RBPJL: variants seen among roughly 807,000 people sequenced by gnomAD.
The protein encoded by RBPJL is recombining binding protein suppressor of hairless-like protein.
RBPJL carries 50 observed loss-of-function variants against 57.6 expected under a neutral mutation model. The ratio of observed to expected loss-of-function variants is 0.87; its 90% CI spans 0.69 to 1.10. The LOEUF (loss-of-function observed/expected upper bound fraction) is 1.10, where lower values mean the gene tolerates loss of function less well. Among genes scored for constraint, RBPJL ranks in the 50% least tolerant of loss-of-function variants. The pLI is 0.00. For missense variants in RBPJL, 684 were observed against 693.7 expected (o/e 0.99, Z 0.16); for synonymous variants, 303 against 294.4 (o/e 1.03, Z -0.30).
chr20:45,309,434 T>C, intron 2 of RBPJL, 133 bp from the exon 3 acceptor site: 2 of 906,720 alleles, frequency 2.2e-6, no homozygotes, highest in Non-Finnish European at 3.2e-6. Flanking sequence ...GGGCAGGATA[T>C]AGAGCAGCCC....
rs1053379715 is a variant in RBPJL, at chr20:45,312,207, T to C, written c.445-14T>C. The C allele has an allele frequency of 2.5e-6, 4 of 1,613,998 alleles. No individual in the cohort carries two copies. Among genetic ancestry groups the C allele is most frequent in the Non-Finnish European group, 3.4e-6 (4 of 1,179,994 alleles). The stretch of plus-strand genomic sequence containing the variant: ...GGCTGGGATGAGATGGCCCTGTACC[T>C]GTGAGCCCCCTAGGAATTCGGCTGC... On this transcript the variant is annotated splice_polypyrimidine_tract_variant and intron_variant, in intron 5 of 11. Coordinates refer to ENST00000343694, the MANE Select transcript of RBPJL (RefSeq NM_014276.4).
chr20:45,311,933 C>T lies in RBPJL; in HGVS notation c.423C>T (p.Phe141=). ...CCACTGAGACGCAGAAGCTGAATTT[C>T]GAGCAGCAGCCGGACTCCAGGGTGA... ...GSATETQKLN[F]EQQPDSREFG... Residue 141 remains phenylalanine (F), a synonymous_variant, in exon 5 of 12, where the codon TTC becomes TTT. Transcript: ENST00000343694. 6.4e-7 allele frequency: 1 copy of T among 1,551,272 alleles called. No individual in the cohort carries two copies. The highest frequency in any genetic ancestry group is 8.7e-7 in the Non-Finnish European group (1 of 1,146,934).
Position 45,312,532 on chromosome 20 carries a change from G to A in RBPJL, c.619+137G>A, listed in dbSNP as rs554101930. ...GAAAAGGTGGAGTCGGAGCCGAGAG[G>A]GGAAGGAGTCTGGATGAGTGGGTGC... On this transcript the variant is annotated intron_variant, in intron 6 of 11. Transcript: ENST00000343694. 628 of 847,948 alleles carry A rather than the reference G, an allele frequency of 7.4e-4. 7 individuals carry two copies. In the South Asian group the frequency reaches 7.6e-3, roughly 10 times the overall value. 52.5% of individuals were successfully genotyped at this position (847,948 alleles called of 1,614,324 possible).
At position 45,317,275 on chromosome 20, in the gene RBPJL, C is replaced by G; in HGVS notation, c.*316C>G. 1 of 426,134 alleles carries G rather than the reference C, an allele frequency of 2.3e-6. No homozygotes were observed. Among genetic ancestry groups the G allele is most frequent in the Non-Finnish European group, 4.2e-6 (1 of 239,558 alleles). The allele number at this position is 426,134 out of a possible 1,614,324, so 26.4% of individuals were successfully genotyped here. ...TCCCCCTCAGTACTTAGTCTACAGA[C>G]CTATGTGCGTGTCCCTATCCTTCTG... On this transcript the variant is annotated 3_prime_UTR_variant, in exon 12 of 12. Coordinates refer to ENST00000343694, the MANE Select transcript of RBPJL (RefSeq NM_014276.4).
rs748556818 is a variant in RBPJL at position 45,308,227 on chromosome 20, G to A, written c.107G>A (p.Arg36Gln). The A allele has an allele frequency of 3.7e-5, 60 of 1,613,626 alleles. No individual in the cohort carries two copies. Among genetic ancestry groups the A allele is most frequent in the Middle Eastern group, 1.6e-4 (1 of 6,076 alleles). The change falls in exon 2 of 12, where the codon CGG (arginine) becomes CAG (glutamine). Residue 36 changes from arginine (R) to glutamine (Q), a missense_variant. By Grantham distance (43) the Arg-to-Gln change is conservative (BLOSUM62 1). Coordinates refer to ENST00000343694, the MANE Select transcript of RBPJL (RefSeq NM_014276.4). ...EMQLQSEADR[R>Q]SLPGTWTRSS... ...CAGCTGCAGAGCGAAGCCGACAGGC[G>A]GAGCCTCCCGGGCACTTGGACCAGG...
At position 45,314,047 on chromosome 20, in the gene RBPJL, C is replaced by T. The variant is rs1987330182; in HGVS notation, c.770C>T (p.Ser257Phe). ...TTTTGTCCCCCAGCTGATGGGCACT[C>T]TGCCCAAGGAGACTTCCCACCGCGA... Reference protein sequence around the residue: ...AFTLHLADGHSAQGDFPPREG... With the variant: ...AFTLHLADGHFAQGDFPPREG... The change falls in exon 8 of 12, where the codon TCT (serine) becomes TTT (phenylalanine). Residue 257 changes from serine (S) to phenylalanine (F), a missense_variant. Transcript: ENST00000343694. The T allele has an allele frequency of 1.9e-6, 3 of 1,613,494 alleles. No individual in the cohort carries two copies. Among genetic ancestry groups the T allele is most frequent in the Non-Finnish European group, 2.5e-6 (3 of 1,179,482 alleles).
rs144892567 is a variant in RBPJL, at chr20:45,312,338, C to A, written c.562C>A (p.Leu188Ile). The change falls in exon 6 of 12, where the codon CTT becomes ATT. Residue 188 changes from leucine (L) to isoleucine (I), a missense_variant. Coordinates refer to ENST00000343694, the MANE Select transcript of RBPJL (RefSeq NM_014276.4). The stretch of plus-strand genomic sequence containing the variant: ...GGAGCTGGGTACCTTCCACAGCCGC[C>A]TTATCAAGGTCATCTCGAAGCCCTC... ...GRELGTFHSR[L>I]IKVISKPSQK... 3 of 1,614,208 alleles carry A rather than the reference C, an allele frequency of 1.9e-6. No individual in the cohort carries two copies. Among genetic ancestry groups the A allele is most frequent in the Admixed American group, 1.7e-5 (1 of 60,030 alleles).
chr20:45,315,993 T>G, intron 9 of RBPJL, 194 bp from the exon 10 acceptor site: 1 of 412,496 alleles, frequency 2.4e-6, no homozygotes, highest in Non-Finnish European at 4.3e-6. Flanking sequence ...AGAAATCAGC[T>G]AGCTCAACAA....
At chr20:45,311,200 A>T (rs1417867296) in intron 3 of RBPJL, among the ~76,000 whole-genome samples, 1 of 131,134 alleles carries the variant, frequency 7.6e-6, no homozygotes, top group Non-Finnish European at 1.6e-5. Context: ...AGAGGAAGGA[A>T]GGAAGGAAGG....
Position 45,316,791 on chromosome 20 carries a change from C to T in RBPJL, c.1386C>T (p.Ala462=), listed in dbSNP as rs1987497847. Residue 462 remains alanine, a synonymous_variant, in exon 12 of 12, where the codon GCC becomes GCT. Coordinates refer to ENST00000343694, the MANE Select transcript of RBPJL (RefSeq NM_014276.4). ...CAATCCCCATGAGCCTGGTGCGCGC[C>T]GACGGGCTCTTCTACCCTAGTGCCT... ...PITIPMSLVR[A]DGLFYPSAFS... 1.9e-6 allele frequency: 3 copies of T among 1,613,782 alleles called. No individual in the cohort carries two copies. Among genetic ancestry groups the T allele is most frequent in the African/African-American group, 2.7e-5 (2 of 74,902 alleles).
At chr20:45,308,685 C>T (rs1222263716) in intron 2 of RBPJL, among the ~76,000 whole-genome samples, 1 of 150,158 alleles carries the variant, frequency 6.7e-6, no homozygotes, top group East Asian at 2.0e-4. Flanking sequence ...GACTCTGGTC[C>T]TGCCAAGAGG....
intron 1 of RBPJL, among the ~76,000 whole-genome samples, chr20:45,307,412 C>T (rs1172531661): frequency 5.3e-5 from 8 of 152,160 alleles, no homozygotes; most frequent in African/African-American, 1.7e-4. Flanking sequence ...TGGCAGGGCC[C>T]GTCGTGGGAG....
rs1014496023 is a variant in RBPJL at position 45,317,739 on chromosome 20, C to T, written c.*780C>T. ...GAGGTCTTGCCGCCTTAACTGTCCC[C>T]CCCAGTCACTTCTCCCACAGGCCCA... On this transcript the variant is annotated 3_prime_UTR_variant, in exon 12 of 12. Coordinates refer to ENST00000343694, the MANE Select transcript of RBPJL (RefSeq NM_014276.4). The T allele has an allele frequency of 1.3e-5, 2 of 152,388 alleles. No individual in the cohort carries two copies. The highest frequency in any genetic ancestry group is 2.9e-5 in the Non-Finnish European group (2 of 68,180). 9.4% of individuals were successfully genotyped at this position (152,388 alleles called of 1,614,324 possible).
At chr20:45,313,361 A>C in intron 6 of RBPJL, 107 bp from the exon 7 acceptor site, 1 of 827,508 alleles carries the variant, frequency 1.2e-6, no homozygotes, top group Non-Finnish European at 1.8e-6. Flanking sequence ...CCTCACCCTC[A>C]CCCTAACCCT....
chr20:45,314,075 G>C lies in RBPJL; in HGVS notation c.798G>C (p.Glu266Asp), dbSNP rs1358703293. The C allele has an allele frequency of 6.2e-7, 1 of 1,614,246 alleles. No individual in the cohort carries two copies. Among genetic ancestry groups the C allele is most frequent in the Non-Finnish European group, 8.5e-7 (1 of 1,180,044 alleles). Residue 266 changes from glutamate to aspartate, a missense_variant, in exon 8 of 12, where the codon GAG (glutamate) becomes GAC (aspartate). Transcript: ENST00000343694. ...CCCAAGGAGACTTCCCACCGCGAGA[G>C]GGCTACGTTCGCTATGGCTCCCTGG... is the stretch of plus-strand genomic sequence containing the variant. ...HSAQGDFPPR[E>D]GYVRYGSLVQ... is the part of the protein sequence containing the mutation.
intron 6 of RBPJL, among the ~76,000 whole-genome samples, chr20:45,313,131 G>A (rs778245493): frequency 2.0e-5 from 3 of 152,284 alleles, no homozygotes; most frequent in Middle Eastern, 3.4e-3. Context: ...TGTGAACTGG[G>A]AATGCCCAGT....
chr20:45,309,136 C>T (rs536175165), intron 2 of RBPJL, among the ~76,000 whole-genome samples: 19 of 151,992 alleles, frequency 1.3e-4, no homozygotes, highest in African/African-American at 4.1e-4. Context: ...CCTCACCCCC[C>T]ACCCTGCCTT....
chr20:45,312,979 G>A (rs570647789), intron 6 of RBPJL, among the ~76,000 whole-genome samples: 2 of 150,608 alleles, frequency 1.3e-5, no homozygotes, highest in South Asian at 4.2e-4. Flanking sequence ...CGGCAGTCCA[G>A]CCTGGGTGAC....
intron 9 of RBPJL, among the ~76,000 whole-genome samples, chr20:45,315,473 G>T (rs945299261): frequency 2.1e-4 from 32 of 152,118 alleles, no homozygotes; most frequent in African/African-American, 7.5e-4. Context: ...CGGGCCAATG[G>T]CTCATGCCTG....
Sources: gnomAD v4.1 joint callset for allele counts (sites outside exome capture counted in the v4.1 genomes callset) on GRCh38, gnomAD v4.1.1 for gene constraint, MANE v1.5 for transcripts, NCBI Gene and HGNC (gene_info 2026-07-23, HGNC 2026-07-21) for gene names.